The following SMIM10L3 variants were observed in gnomAD, a reference collection of about 807,000 sequenced individuals.
SMIM10L3 encodes the protein salivary gland specific protein SAGSIN1.
the SMIM10L3 span, chr7:6,331,281 G>T: frequency 2.2e-6 from 2 of 891,978 alleles, no homozygotes; most frequent in Non-Finnish European, 1.7e-6. Flanking sequence ...AGACACATGG[G>T]TCTTAAGAGC....
At chr7:6,333,810 T>C in the SMIM10L3 span, among the ~76,000 whole-genome samples, 1 of 151,112 alleles carries the variant, frequency 6.6e-6, no homozygotes, top group Non-Finnish European at 1.5e-5. Context: ...TCTCCCCATG[T>C]TGCCTAGAAT....
chr7:6,336,087 C>T, the SMIM10L3 span, among the ~76,000 whole-genome samples: 20 of 150,774 alleles, frequency 1.3e-4, no homozygotes, highest in East Asian at 1.9e-4. Flanking sequence ...GCAGGACAAT[C>T]GTTTGAACCT....
At chr7:6,343,042 AAAAAAAG>A in the SMIM10L3 span, among the ~76,000 whole-genome samples, 15 of 126,938 alleles carry the variant, frequency 1.2e-4, no homozygotes, top group African/African-American at 4.5e-4. Flanking sequence ...TTCTCAAAAA[AAAAAAAG>A]AAAAAAGAAA....
At chr7:6,332,495 T>C in the SMIM10L3 span, among the ~76,000 whole-genome samples, 3 of 152,154 alleles carry the variant, frequency 2.0e-5, no homozygotes, top group Non-Finnish European at 4.4e-5. Flanking sequence ...AAATGTAATT[T>C]TGACACATGA....
chr7:6,330,806 C>T, the SMIM10L3 span: 1 of 1,614,206 alleles, frequency 6.2e-7, no homozygotes, highest in African/African-American at 1.3e-5. Context: ...CTGCAGGACA[C>T]CCGAGCAAAA....
the SMIM10L3 span, among the ~76,000 whole-genome samples, chr7:6,345,801 C>T: frequency 2.6e-5 from 4 of 152,140 alleles, no homozygotes; most frequent in Admixed American, 1.3e-4. Flanking sequence ...CAGAGTCTCG[C>T]TGTGTTTCCC....
chr7:6,333,018 G>A, the SMIM10L3 span, among the ~76,000 whole-genome samples: 1,804 of 152,066 alleles, frequency 0.012, 34 homozygotes, highest in African/African-American at 0.042. Flanking sequence ...ACAGCCAGAC[G>A]TGCTGGCGGG....
chr7:6,330,657 A>G, the SMIM10L3 span: 1 of 1,613,890 alleles, frequency 6.2e-7, no homozygotes. Context: ...CATCCTGAAA[A>G]CTTCCCATTT....
the SMIM10L3 span, among the ~76,000 whole-genome samples, chr7:6,343,397 C>CATAT: frequency 1.6e-3 from 140 of 86,952 alleles, no homozygotes; most frequent in Non-Finnish European, 1.9e-3. Context: ...ATAATAATTT[C>CATAT]ATATATATAT....
chr7:6,334,898 AGCTGGGATTATAG>A, the SMIM10L3 span, among the ~76,000 whole-genome samples: 12 of 150,430 alleles, frequency 8.0e-5, no homozygotes, highest in Non-Finnish European at 1.8e-4. Context: ...CCTCCTGAGT[AGCTGGGATTATAG>A]GCATGTGCCA....
At chr7:6,346,011 C>T in the SMIM10L3 span, among the ~76,000 whole-genome samples, 305 of 152,140 alleles carry the variant, frequency 2.0e-3, 1 homozygote, top group African/African-American at 5.8e-3. Context: ...TCAAGTGATC[C>T]GCCTGCTTCA....
chr7:6,334,521 G>A, the SMIM10L3 span, among the ~76,000 whole-genome samples: 1 of 152,086 alleles, frequency 6.6e-6, no homozygotes, highest in East Asian at 2.0e-4. Flanking sequence ...AGACTGAAGT[G>A]CAGTGGCAGG....
At chr7:6,337,871 T>C in the SMIM10L3 span, among the ~76,000 whole-genome samples, 1 of 151,644 alleles carries the variant, frequency 6.6e-6, no homozygotes, top group African/African-American at 2.4e-5. Context: ...TGGTGCAATC[T>C]TGGCTCACTG....
chr7:6,336,467 G>A, the SMIM10L3 span, among the ~76,000 whole-genome samples: 2 of 152,070 alleles, frequency 1.3e-5, no homozygotes, highest in African/African-American at 4.8e-5. Flanking sequence ...GATCTCTTGA[G>A]GTCAGGAGTT....
At chr7:6,331,093 C>A in the SMIM10L3 span, 1 of 1,613,440 alleles carries the variant, frequency 6.2e-7, no homozygotes, top group Non-Finnish European at 8.5e-7. Flanking sequence ...GTCCGAGTCA[C>A]CTCCTCCGGC....
the SMIM10L3 span, among the ~76,000 whole-genome samples, chr7:6,337,607 C>T: frequency 1.3e-5 from 2 of 151,408 alleles, no homozygotes; most frequent in Non-Finnish European, 2.9e-5. Context: ...ATTTCCTTAG[C>T]AAACTAACGC....
At chr7:6,344,379 T>C in the SMIM10L3 span, among the ~76,000 whole-genome samples, 1 of 152,180 alleles carries the variant, frequency 6.6e-6, no homozygotes, top group African/African-American at 2.4e-5. Flanking sequence ...TGATGTGACA[T>C]GGCTGCTTGT....
At chr7:6,332,632 A>G in the SMIM10L3 span, among the ~76,000 whole-genome samples, 11 of 152,288 alleles carry the variant, frequency 7.2e-5, no homozygotes, top group Non-Finnish European at 1.6e-4. Context: ...TGGGAGGCAG[A>G]GGTCACAGTG....
the SMIM10L3 span, among the ~76,000 whole-genome samples, chr7:6,334,920 C>A: frequency 6.6e-6 from 1 of 151,676 alleles, no homozygotes; most frequent in Non-Finnish European, 1.5e-5. Flanking sequence ...AGGCATGTGC[C>A]ACCACGCCTG....
Sources: gnomAD v4.1 joint callset for allele counts (sites outside exome capture counted in the v4.1 genomes callset) on GRCh38, gnomAD v4.1.1 for gene constraint, MANE v1.5 for transcripts, NCBI Gene and HGNC (gene_info 2026-07-23, HGNC 2026-07-21) for gene names.